Variants in NAV2 observed in about 807,000 individuals in gnomAD.
The protein encoded by NAV2 is helicase, APC down-regulated 1.
Under a neutral mutation model 223.2 loss-of-function variants are expected in NAV2, and 54 were observed. That is an observed-to-expected ratio of 0.24 (90% confidence interval 0.19 to 0.30). NAV2 has a LOEUF of 0.30. NAV2 is among the 10% of genes least tolerant of loss of function. The pLI, the probability that NAV2 is intolerant of heterozygous loss-of-function variation, is 1.00. For missense variants in NAV2, 2,806 were observed against 3,147.5 expected (o/e 0.89, Z 2.60); for synonymous variants, 1,279 against 1,239.3 (o/e 1.03, Z -0.67).
chr11:19,855,363 C>G (rs970717743), intron 3 of NAV2, among the ~76,000 whole-genome samples: 1 of 152,164 alleles, frequency 6.6e-6, no homozygotes, highest in East Asian at 1.9e-4. Flanking sequence ...ATCCACAATT[C>G]CCTAGACTTT....
intron 22 of NAV2, 127 bp downstream of exon 22, chr11:20,068,525 G>A (rs2059195599): frequency 1.4e-6 from 1 of 719,774 alleles, no homozygotes; most frequent in Non-Finnish European, 2.4e-6. Flanking sequence ...CACAGGCTTT[G>A]GCATCATGGG....
At chr11:19,730,393 A>G (rs951757665) in intron 1 of NAV2, among the ~76,000 whole-genome samples, 4 of 152,200 alleles carry the variant, frequency 2.6e-5, no homozygotes, top group African/African-American at 9.6e-5. Context: ...GGGAGGAAAA[A>G]GTGCCTTCCA....
chr11:19,638,888 G>C (rs1033029282), intron 1 of NAV2, among the ~76,000 whole-genome samples: 6 of 152,214 alleles, frequency 3.9e-5, no homozygotes, highest in African/African-American at 1.4e-4. Flanking sequence ...AGCTACTCAG[G>C]AGGCTGAGGC....
chr11:19,457,180 T>G (rs1481272916), intron 1 of NAV2, among the ~76,000 whole-genome samples: 1 of 152,048 alleles, frequency 6.6e-6, no homozygotes, highest in Non-Finnish European at 1.5e-5. Flanking sequence ...AATAGCAAAA[T>G]TTAAAAGGAA....
chr11:19,973,910 C>G (rs1372460940), intron 10 of NAV2, among the ~76,000 whole-genome samples: 1 of 152,226 alleles, frequency 6.6e-6, no homozygotes, highest in African/African-American at 2.4e-5. Flanking sequence ...AACAGTCGGA[C>G]TGTCCTGAGG....
chr11:19,956,396 G>GCT lies in NAV2; in HGVS notation c.2645+7333_2645+7334dup, dbSNP rs1295110922. Among the ~76,000 whole-genome samples the GCT allele has an allele frequency of 2.4e-3, 356 of 148,930 alleles. 4 individuals carry two copies. The highest frequency in any genetic ancestry group is 7.4e-3 in the African/African-American group (302 of 40,742). ...CACACACACACACACACACACACAC[G>GCT]CTCTCTCTCTCTCTCTCTATCTCTC... On this transcript the variant is annotated intron_variant, in intron 10 of 37. Coordinates refer to ENST00000349880, the MANE Select transcript of NAV2 (RefSeq NM_145117.5).
chr11:19,600,366 G>A (rs571315132), intron 1 of NAV2, among the ~76,000 whole-genome samples: 2 of 152,334 alleles, frequency 1.3e-5, no homozygotes, highest in South Asian at 4.1e-4. Flanking sequence ...CTAAGCCAAG[G>A]GAACATGACA....
In NAV2 at chr11:19,868,966, G is replaced by A; in HGVS notation, c.480G>A (p.Lys160=). 6.2e-7 allele frequency: 1 copy of A among 1,614,010 alleles called. No homozygotes were observed. Among genetic ancestry groups the A allele is most frequent in the Non-Finnish European group, 8.5e-7 (1 of 1,179,944 alleles). The change falls in exon 4 of 38, where the codon AAG becomes AAA. Residue 160 remains lysine (K), a synonymous_variant. Transcript: ENST00000349880. ...IDACLNFLAA[K]GINIQGLSAE... is the part of the protein sequence containing the mutation. ...CCTGCTTGAATTTCCTGGCAGCTAA[G>A]GGAATAAACATCCAGGGGCTGTCTG...
chr11:19,984,683 T>C (rs749412789), intron 11 of NAV2, among the ~76,000 whole-genome samples: 5 of 152,208 alleles, frequency 3.3e-5, no homozygotes, highest in Admixed American at 6.5e-5. Context: ...AAAAGCCTCC[T>C]GTTGCATGGT....
At chr11:19,416,796 T>A (rs377739016) in intron 1 of NAV2, among the ~76,000 whole-genome samples, 1 of 152,138 alleles carries the variant, frequency 6.6e-6, no homozygotes, top group East Asian at 1.9e-4. Context: ...GTGCCACACA[T>A]CTACAACCAC....
At chr11:19,583,997 C>T (rs1287784037) in intron 1 of NAV2, among the ~76,000 whole-genome samples, 2 of 152,106 alleles carry the variant, frequency 1.3e-5, no homozygotes, top group African/African-American at 2.4e-5. Context: ...GCTGTGAATC[C>T]GTCTGGTCCT....
chr11:19,460,664 G>T (rs1961259), intron 1 of NAV2, among the ~76,000 whole-genome samples: 33,078 of 106,846 alleles, frequency 0.31, 4,133 homozygotes, highest in Middle Eastern at 0.39. Flanking sequence ...TGGGGGGAGG[G>T]GGGAGGGATA....
At chr11:19,868,868 A>T (rs186906410) in intron 3 of NAV2, 57 bp from the exon 4 acceptor site, 1 of 1,550,836 alleles carries the variant, frequency 6.4e-7, no homozygotes, top group Non-Finnish European at 8.9e-7. Flanking sequence ...CTCATAAGAG[A>T]TGGCTCTGGA....
intron 1 of NAV2, among the ~76,000 whole-genome samples, chr11:19,654,598 A>G (rs1007229772): frequency 6.6e-6 from 1 of 152,244 alleles, no homozygotes; most frequent in Non-Finnish European, 1.5e-5. Context: ...CATATCTACA[A>G]CTATCTGAAC....
At chr11:19,712,825 C>A (rs1420308346), upstream of NAV2, among the ~76,000 whole-genome samples, 1 of 151,578 alleles carries the variant, frequency 6.6e-6, no homozygotes, top group Admixed American at 6.6e-5. Flanking sequence ...GCAGCAGCGC[C>A]GGCAGCAGCC....
intron 6 of NAV2, among the ~76,000 whole-genome samples, chr11:19,919,421 T>C (rs1421238186): frequency 6.6e-6 from 1 of 152,054 alleles, no homozygotes; most frequent in Non-Finnish European, 1.5e-5. Flanking sequence ...CTCCAGACAG[T>C]GAGAACTGTG....
At chr11:19,832,875 A>C (rs2060021274) in intron 2 of NAV2, among the ~76,000 whole-genome samples, 1 of 152,102 alleles carries the variant, frequency 6.6e-6, no homozygotes, top group Non-Finnish European at 1.5e-5. Context: ...TTTGGGGAAG[A>C]TGTGTTCTGC....
chr11:19,495,498 T>A (rs1376366590), intron 1 of NAV2, among the ~76,000 whole-genome samples: 1 of 152,220 alleles, frequency 6.6e-6, no homozygotes, highest in East Asian at 1.9e-4. Flanking sequence ...TACAGCTTAC[T>A]TAATACATTG....
At chr11:19,977,903 C>T (rs1158781926) in intron 10 of NAV2, among the ~76,000 whole-genome samples, 1 of 148,880 alleles carries the variant, frequency 6.7e-6, no homozygotes, top group Non-Finnish European at 1.5e-5. Context: ...CTCCCGGGTT[C>T]AAGCAATTCT....
Sources: allele counts gnomAD v4.1 joint callset (sites outside exome capture counted in the v4.1 genomes callset), GRCh38; gene constraint gnomAD v4.1.1; transcripts MANE v1.5; gene names NCBI Gene and HGNC (gene_info 2026-07-23, HGNC 2026-07-21).